ACOT11: variants seen among roughly 807,000 people sequenced by gnomAD.
The protein encoded by ACOT11 is acyl-CoA thioesterase 11, also known as acyl-coenzyme A thioesterase 11.
ACOT11 carries 69 observed loss-of-function variants against 77.5 expected under a neutral mutation model. That is an observed-to-expected ratio of 0.89 (90% CI 0.73 to 1.09). ACOT11 has a LOEUF of 1.09. Ranked by LOEUF, ACOT11 falls within the 50% of genes least tolerant of loss-of-function variation. The pLI is 0.00. For missense variants in ACOT11, 766 were observed against 813.7 expected (o/e 0.94, Z 0.71); for synonymous variants, 279 against 313.0 (o/e 0.89, Z 1.15).
chr1:54,560,213 GA>G (rs1653415762), intron 1 of ACOT11, among the ~76,000 whole-genome samples: 1 of 152,158 alleles, frequency 6.6e-6, no homozygotes, highest in Admixed American at 6.5e-5. Flanking sequence ...GCACAGCCAG[GA>G]TGTGACAGAG....
At chr1:54,554,349 A>ATTTTTT (rs1305967505) in intron 1 of ACOT11, among the ~76,000 whole-genome samples, 2 of 79,104 alleles carry the variant, frequency 2.5e-5, no homozygotes, top group African/African-American at 4.1e-5. Flanking sequence ...ATATATATAT[A>ATTTTTT]TATTTTTTTT....
At chr1:54,552,502 G>C (rs980317604) in intron 1 of ACOT11, among the ~76,000 whole-genome samples, 1 of 152,026 alleles carries the variant, frequency 6.6e-6, no homozygotes, top group African/African-American at 2.4e-5. Context: ...GTTTGTTTTT[G>C]AGGCAGAGTC....
intron 9 of ACOT11, among the ~76,000 whole-genome samples, chr1:54,602,270 A>G (rs1000067788): frequency 3.3e-5 from 5 of 152,166 alleles, no homozygotes; most frequent in Non-Finnish European, 5.9e-5. Context: ...TGTAGAATGG[A>G]TACAGCACCA....
chr1:54,618,196 T>C (rs1295586303), intron 15 of ACOT11, among the ~76,000 whole-genome samples: 1 of 152,160 alleles, frequency 6.6e-6, no homozygotes, highest in Non-Finnish European at 1.5e-5. Flanking sequence ...CATCCTTTAG[T>C]GTTGGCTTAA....
chr1:54,604,310 GGGT>G (rs1444227946), intron 11 of ACOT11, 33 bp from the exon 12 acceptor site: 17 of 1,597,600 alleles, frequency 1.1e-5, no homozygotes, highest in African/African-American at 8.1e-5. Flanking sequence ...TGAAGGAAGG[GGGT>G]GGGGTAGTGG....
At chr1:54,612,409 C>T (rs1311665686), downstream of ACOT11, 1 of 1,087,526 alleles carries the variant, frequency 9.2e-7, no homozygotes, top group Non-Finnish European at 1.4e-6. Context: ...TAAGACCCTT[C>T]CAGCCATGAG....
Position 54,607,452 on chromosome 1 carries a change from G to A in ACOT11, c.1502+187G>A, listed in dbSNP as rs1644041510. 6.6e-6 allele frequency among the ~76,000 whole-genome samples: 1 copy of A among 152,046 alleles called. No individual in the cohort carries two copies. The highest frequency in any genetic ancestry group is 2.4e-5 in the African/African-American group (1 of 41,392). On this transcript the variant is annotated intron_variant, in intron 14 of 15. Coordinates refer to ENST00000343744, the MANE Select transcript of ACOT11 (RefSeq NM_147161.4). The surrounding 1 kb of genome is among the most constrained non-coding windows in gnomAD (Gnocchi z 4.5). Reference sequence around the variant, plus strand: ...TTACTATGGGTAAAATGAGGGATAGGGGCACACATTTCCCCTCTTGTCGCA... The same window carrying A: ...TTACTATGGGTAAAATGAGGGATAGAGGCACACATTTCCCCTCTTGTCGCA...
chr1:54,610,058 G>T lies in ACOT11; in HGVS notation c.*946G>T. On this transcript the variant is annotated 3_prime_UTR_variant, in exon 16 of 16. Transcript: ENST00000343744. ...GGTCATCAAGGACCTTGCCTCTCTG[G>T]AATCTGTCAACCCAGTTTTGGGCTC... is the stretch of plus-strand genomic sequence containing the variant. 6.9e-7 allele frequency: 1 copy of T among 1,442,560 alleles called. No homozygotes were observed. Among genetic ancestry groups the T allele is most frequent in the Non-Finnish European group, 9.1e-7 (1 of 1,103,044 alleles). The allele number at this position is 1,442,560 out of a possible 1,614,324, so 89.4% of individuals were successfully genotyped here. A position where few individuals can be genotyped will look rare whatever the true frequency, so the allele number is the denominator to read the frequency against.
downstream of ACOT11, chr1:54,612,495 T>A: frequency 6.2e-7 from 1 of 1,613,350 alleles, no homozygotes; most frequent in Non-Finnish European, 8.5e-7. Flanking sequence ...CCTCTCAGAT[T>A]GGCTCAGCAG....
At chr1:54,582,089 G>A (rs1654331442) in intron 1 of ACOT11, among the ~76,000 whole-genome samples, 1 of 152,206 alleles carries the variant, frequency 6.6e-6, no homozygotes, top group African/African-American at 2.4e-5. Flanking sequence ...GTGTGCTTCA[G>A]GGGCCCTGCT....
At chr1:54,633,657 G>T (rs150066034) in intron 16 of ACOT11, among the ~76,000 whole-genome samples, 1 of 152,250 alleles carries the variant, frequency 6.6e-6, no homozygotes, top group Non-Finnish European at 1.5e-5. Context: ...GAACCTACCC[G>T]TAAAAAATTT....
chr1:54,554,351 A>ATATATATTTTT, intron 1 of ACOT11, among the ~76,000 whole-genome samples: 1 of 97,258 alleles, frequency 1.0e-5, no homozygotes, highest in Non-Finnish European at 1.9e-5. Context: ...ATATATATAT[A>ATATATATTTTT]TTTTTTTTTT....
In ACOT11 at chr1:54,593,975, C is replaced by G; in HGVS notation, c.407C>G (p.Ser136Cys). Residue 136 changes from serine to cysteine, a missense_variant, in exon 5 of 16, where the codon TCT (serine) becomes TGT (cysteine). Transcript: ENST00000343744. Reference sequence around the variant, plus strand: ...CAGGTGGCCTCGGAGGACCTGTGCTCTGAGAAGCAGTGGAATGTGTGCAAG... The same window carrying G: ...CAGGTGGCCTCGGAGGACCTGTGCTGTGAGAAGCAGTGGAATGTGTGCAAG... The part of the protein sequence containing the change: ...GIQVASEDLC[S>C]EKQWNVCKAL... The G allele has an allele frequency of 1.2e-6, 2 of 1,614,194 alleles. No individual in the cohort carries two copies. The highest frequency in any genetic ancestry group is 1.7e-6 in the Non-Finnish European group (2 of 1,180,026).
intron 1 of ACOT11, among the ~76,000 whole-genome samples, chr1:54,579,256 A>C (rs1654218238): frequency 6.6e-6 from 1 of 151,726 alleles, no homozygotes; most frequent in African/African-American, 2.4e-5. Context: ...TCTGCTGGGA[A>C]CCTCAAGGCC....
chr1:54,610,627 C>A, downstream of ACOT11: 2 of 1,564,776 alleles, frequency 1.3e-6, no homozygotes, highest in Admixed American at 1.8e-5. Context: ...GCTAGGGTCC[C>A]ATAGGCCACA....
intron 1 of ACOT11, among the ~76,000 whole-genome samples, chr1:54,553,948 C>T (rs761280399): frequency 1.3e-5 from 2 of 151,962 alleles, no homozygotes; most frequent in African/African-American, 2.4e-5. Flanking sequence ...CTGAGATGGG[C>T]GGATCGCTTG....
intron 15 of ACOT11, among the ~76,000 whole-genome samples, chr1:54,629,559 T>C (rs1644289424): frequency 7.5e-6 from 1 of 133,536 alleles, no homozygotes; most frequent in African/African-American, 2.5e-5. Flanking sequence ...GGGCTGGGAT[T>C]ACAGGCGCGA....
intron 9 of ACOT11, among the ~76,000 whole-genome samples, chr1:54,602,066 C>T (rs775016864): frequency 1.3e-5 from 2 of 152,190 alleles, no homozygotes; most frequent in Non-Finnish European, 2.9e-5. Context: ...GGTGGAGCCT[C>T]GGGACTGGGA....
At chr1:54,586,034 G>A (rs1654486533) in intron 3 of ACOT11, 130 bp downstream of exon 3, 4 of 933,264 alleles carry the variant, frequency 4.3e-6, no homozygotes, top group Admixed American at 2.5e-5. Flanking sequence ...AAAATGAGGT[G>A]GGGGCAGCCT....
Sources: gnomAD v4.1 joint callset for allele counts (sites outside exome capture counted in the v4.1 genomes callset) on GRCh38, gnomAD v4.1.1 for gene constraint, Gnocchi (gnomAD v3.1) non-coding constraint, MANE v1.5 for transcripts, NCBI Gene and HGNC (gene_info 2026-07-23, HGNC 2026-07-21) for gene names.